The following ESR1 variants were observed in gnomAD, a reference collection of about 807,000 sequenced individuals.
ESR1 encodes the protein estrogen receptor.
In ESR1, 12 loss-of-function variants were observed where a neutral mutation model predicts 52.7. That is an observed-to-expected ratio of 0.23 (90% CI 0.15 to 0.37). ESR1 has a LOEUF of 0.37. ESR1 is among the 10% of genes least tolerant of loss of function. ESR1 has a pLI of 1.00. For missense variants in ESR1, 584 were observed against 779.7 expected, an observed-to-expected ratio of 0.75 and a Z score of 2.99; for synonymous variants, 305 against 316.8, an observed-to-expected ratio of 0.96 and a Z score of 0.39.
At chr6:151,657,863 C>G (rs1260238221) in intron 1 of ESR1, among the ~76,000 whole-genome samples, 1 of 151,896 alleles carries the variant, frequency 6.6e-6, no homozygotes, top group Admixed American at 6.6e-5. Context: ...ATCATCCAAT[C>G]TAATATCTTC....
chr6:151,816,174 C>A (rs1032129097), intron 1 of ESR1, among the ~76,000 whole-genome samples: 5 of 152,148 alleles, frequency 3.3e-5, no homozygotes, highest in Non-Finnish European at 4.4e-5. Context: ...TGACCAAAGG[C>A]TCCCAGGAAC....
chr6:152,092,034 G>C (rs891744172), intron 6 of ESR1, among the ~76,000 whole-genome samples: 1 of 152,156 alleles, frequency 6.6e-6, no homozygotes, highest in African/African-American at 2.4e-5. Context: ...GACTGTGAGA[G>C]GCAGAGAAAA....
chr6:152,107,706 A>T (rs566781340), downstream of ESR1, among the ~76,000 whole-genome samples: 1 of 152,144 alleles, frequency 6.6e-6, no homozygotes, highest in African/African-American at 2.4e-5. Flanking sequence ...TAGATACCCT[A>T]TTGTAGCAAC....
Position 152,101,220 on chromosome 6 carries a change from T to C in ESR1, c.*2254T>C, listed in dbSNP as rs970699674. 4.3e-6 allele frequency: 1 copy of C among 231,994 alleles called. No homozygotes were observed. The highest frequency in any genetic ancestry group is 8.5e-6 in the Non-Finnish European group (1 of 117,160). The allele number at this position is 231,994 out of a possible 1,614,324, so 14.4% of individuals were successfully genotyped here. A position where few individuals can be genotyped will look rare whatever the true frequency, so the allele number is the denominator to read the frequency against. On this transcript the variant is annotated 3_prime_UTR_variant, in exon 8 of 8. Coordinates refer to ENST00000206249, the MANE Select transcript of ESR1 (RefSeq NM_000125.4). ...GGATACTGAATGACAGACAATCTTATGTAGCAAAGATTATGCCTGAAAAGG... is the reference window on the plus strand; with the variant it reads ...GGATACTGAATGACAGACAATCTTACGTAGCAAAGATTATGCCTGAAAAGG...
intron 3 of ESR1, among the ~76,000 whole-genome samples, chr6:151,883,025 TG>T (rs1021260706): frequency 6.6e-6 from 1 of 152,160 alleles, no homozygotes; most frequent in African/African-American, 2.4e-5. Context: ...TACCACAGGC[TG>T]GGTGGCTTAA....
intron 5 of ESR1, among the ~76,000 whole-genome samples, chr6:152,048,460 A>T (rs2046413568): frequency 6.7e-6 from 1 of 150,368 alleles, no homozygotes; most frequent in Admixed American, 6.6e-5. Context: ...GTATTCTCTT[A>T]TAAGCCCCAT....
rs565300379 is a variant in ESR1, at chr6:152,083,972, C to T, written c.1370-10413C>T. 2.6e-5 allele frequency among the ~76,000 whole-genome samples: 4 copies of T among 152,230 alleles called. No homozygotes were observed. In the South Asian group the frequency reaches 6.2e-4, roughly 24 times the overall value. The stretch of plus-strand genomic sequence containing the variant: ...ATGCTACTATAAAGACACATGCACA[C>T]ATATGTTTATTGCAGCACTATTCAC... On this transcript the variant is annotated intron_variant, in intron 6 of 7. Coordinates refer to ENST00000206249, the MANE Select transcript of ESR1 (RefSeq NM_000125.4).
At chr6:151,703,206 A>G (rs1582945090) in intron 2 of ESR1, among the ~76,000 whole-genome samples, 1 of 152,116 alleles carries the variant, frequency 6.6e-6, no homozygotes, top group South Asian at 2.1e-4. Flanking sequence ...TTTCTACCCT[A>G]CTGCATAAGA....
At position 151,850,012 on chromosome 6, in the gene ESR1, G is replaced by GTA. The variant is rs1251638981; in HGVS notation, c.643+7234_643+7235dup. On this transcript the variant is annotated intron_variant, in intron 2 of 7. Coordinates refer to ENST00000206249, the MANE Select transcript of ESR1 (RefSeq NM_000125.4). ...TATATATATATATATATATAATTTT[G>GTA]TATATATATACAAAATTATATATAT... is the stretch of plus-strand genomic sequence containing the variant. Among the ~76,000 whole-genome samples the GTA allele has an allele frequency of 6.8e-3, 286 of 42,360 alleles. 4 individuals are homozygous for GTA. Among genetic ancestry groups the GTA allele is most frequent in the Middle Eastern group, 0.022 (1 of 46 alleles). 27.8% of individuals were successfully genotyped at this position (42,360 alleles called of 152,430 possible).
intron 4 of ESR1, among the ~76,000 whole-genome samples, chr6:151,945,208 G>C (rs867989883): frequency 6.6e-6 from 1 of 152,142 alleles, no homozygotes; most frequent in African/African-American, 2.4e-5. Context: ...CCAGGTGACA[G>C]AGCAAGACCG....
intron 4 of ESR1, among the ~76,000 whole-genome samples, chr6:151,952,040 C>T (rs1167579861): frequency 6.6e-6 from 1 of 152,200 alleles, no homozygotes; most frequent in Non-Finnish European, 1.5e-5. Context: ...TTAGGTCCCA[C>T]CCTAATCGAG....
At chr6:151,954,998 T>C (rs2036744092) in intron 4 of ESR1, among the ~76,000 whole-genome samples, 1 of 152,178 alleles carries the variant, frequency 6.6e-6, no homozygotes, top group East Asian at 1.9e-4. Context: ...AGGTTTCAAA[T>C]TGAAAAGATT....
chr6:151,795,487 CAAA>C lies in ESR1; in HGVS notation c.-70-12337_-70-12335del, dbSNP rs61142527. Among the ~76,000 whole-genome samples, 76 of 83,320 alleles carry C rather than the reference CAAA, an allele frequency of 9.1e-4. 1 individual carries two copies. Among genetic ancestry groups the C allele is most frequent in the Admixed American group, 2.0e-3 (17 of 8,472 alleles). 54.7% of individuals were successfully genotyped at this position (83,320 alleles called of 152,430 possible). A position where few individuals can be genotyped will look rare whatever the true frequency, so the allele number is the denominator to read the frequency against. On this transcript the variant is annotated intron_variant, in intron 2 of 2. Coordinates refer to the ESR1 transcript ENST00000404742. ...CAGGCGGCAGAGTGAGACTCCATCT[CAAA>C]AAAAAAAAAAAAAAAAAATCTGGAA...
downstream of ESR1, among the ~76,000 whole-genome samples, chr6:152,103,980 C>CTTCTT (rs2051029862): frequency 2.1e-5 from 2 of 93,884 alleles, no homozygotes; most frequent in African/African-American, 8.4e-5. Context: ...TTCATTCTAC[C>CTTCTT]TTTTTTTTTT....
chr6:151,925,123 G>T (rs116373334), intron 3 of ESR1, among the ~76,000 whole-genome samples: 28 of 27,550 alleles, frequency 1.0e-3, no homozygotes, highest in Admixed American at 2.4e-3. Flanking sequence ...CCAGCATCTG[G>T]TTTTTTTTGT....
At chr6:152,072,382 G>T (rs1182143253) in intron 6 of ESR1, among the ~76,000 whole-genome samples, 1 of 152,150 alleles carries the variant, frequency 6.6e-6, no homozygotes, top group African/African-American at 2.4e-5. Flanking sequence ...TTAAGAAAGA[G>T]GAGGGTTGAT....
chr6:152,025,785 T>C (rs1023895088), intron 5 of ESR1, among the ~76,000 whole-genome samples: 2 of 152,118 alleles, frequency 1.3e-5, no homozygotes, highest in South Asian at 4.1e-4. Flanking sequence ...GTTAATGTTT[T>C]AGTTCATTTT....
chr6:151,924,330 G>A (rs9479143), intron 3 of ESR1, among the ~76,000 whole-genome samples: 92,878 of 152,092 alleles, frequency 0.61, 29,092 homozygotes, highest in Middle Eastern at 0.75. Context: ...CATAAGCCAC[G>A]GCGTCCGGCC....
intron 1 of ESR1, among the ~76,000 whole-genome samples, chr6:151,816,557 T>A (rs2128179280): frequency 6.6e-6 from 1 of 152,342 alleles, no homozygotes; most frequent in African/African-American, 2.4e-5. Context: ...AAGGTGAGTA[T>A]GGGAATTCTC....
Sources: allele counts gnomAD v4.1 joint callset (sites outside exome capture counted in the v4.1 genomes callset), GRCh38; gene constraint gnomAD v4.1.1; transcripts MANE v1.5; gene names NCBI Gene and HGNC (gene_info 2026-07-23, HGNC 2026-07-21).